ATP8A2: variants seen among roughly 807,000 people sequenced by gnomAD.
ATP8A2 encodes the protein ATPase phospholipid transporting 8A2, also known as phospholipid-transporting ATPase IB.
ATP8A2 carries 100 observed loss-of-function variants against 165.6 expected under a neutral mutation model. That is an observed-to-expected ratio of 0.60 (90% CI 0.51 to 0.71). ATP8A2 has a LOEUF of 0.71. Ranked by LOEUF, ATP8A2 falls within the 30% of genes least tolerant of loss-of-function variation. The pLI, the probability that ATP8A2 is intolerant of heterozygous loss-of-function variation, is 0.00. For synonymous variants in ATP8A2, 543 were observed against 548.8 expected (o/e 0.99, Z 0.15); for missense variants, 1,227 against 1,479.5 (o/e 0.83, Z 2.80).
intron 25 of ATP8A2, among the ~76,000 whole-genome samples, chr13:25,741,161 A>C (rs1329360280): frequency 6.6e-6 from 1 of 152,228 alleles, no homozygotes; most frequent in Non-Finnish European, 1.5e-5. Context: ...TAATTTAAAA[A>C]TCATCACCAA....
Position 25,827,880 on chromosome 13 carries a change from G to C in ATP8A2, c.2680-238G>C, listed in dbSNP as rs536286145. On this transcript the variant is annotated intron_variant, in intron 27 of 36. Coordinates refer to ENST00000381655, the MANE Select transcript of ATP8A2 (RefSeq NM_016529.6). ...ATTAAATCTATTTTTCTATGAACAT[G>C]TGCATATTATCTCTGAAAGTAGATG... Among the ~76,000 whole-genome samples, 14 of 152,294 alleles carry C rather than the reference G, an allele frequency of 9.2e-5. 1 individual carries two copies. In the South Asian group the frequency reaches 2.9e-3, roughly 32 times the overall value.
chr13:25,806,786 T>C (rs1950749683), intron 27 of ATP8A2, among the ~76,000 whole-genome samples: 1 of 152,216 alleles, frequency 6.6e-6, no homozygotes, highest in African/African-American at 2.4e-5. Context: ...TCATTTTACA[T>C]TCTTACCAGC....
intron 25 of ATP8A2, among the ~76,000 whole-genome samples, chr13:25,759,137 C>T (rs1176373265): frequency 6.6e-6 from 1 of 152,154 alleles, no homozygotes; most frequent in Non-Finnish European, 1.5e-5. Context: ...GCTCTGGGGT[C>T]TCTTAATTGC....
chr13:25,711,562 A>AT (rs11427735), intron 25 of ATP8A2, among the ~76,000 whole-genome samples: 22,589 of 151,420 alleles, frequency 0.15, 1,827 homozygotes, highest in South Asian at 0.19. Flanking sequence ...AAAAAAAAAA[A>AT]TTTTTTTTAA....
In ATP8A2 at chr13:25,859,315, A is replaced by G. The variant is rs114268673; in HGVS notation, c.2957-880A>G. Among the ~76,000 whole-genome samples the G allele has an allele frequency of 6.6e-3, 1,005 of 152,212 alleles. 13 individuals are homozygous for G. The highest frequency in any genetic ancestry group is 0.023 in the African/African-American group (947 of 41,472). On this transcript the variant is annotated intron_variant, in intron 30 of 36. Coordinates refer to ENST00000381655, the MANE Select transcript of ATP8A2 (RefSeq NM_016529.6). ...TGTACTCCAGACCTCAGCATCACAC[A>G]GTATACCTTTGTAACAAACCTGCGC...
rs542724479 is a variant in ATP8A2 at position 25,503,379 on chromosome 13, G to A, written c.222-26620G>A. On this transcript the variant is annotated intron_variant, in intron 2 of 36. Coordinates refer to ENST00000381655, the MANE Select transcript of ATP8A2 (RefSeq NM_016529.6). ...GTTTGTGAGGTTGGAAAGGGTGGTC[G>A]GCATGCTGACAAGTAATGACACCAT... Among the ~76,000 whole-genome samples, 29 of 152,242 alleles carry A rather than the reference G, an allele frequency of 1.9e-4. No individual in the cohort carries two copies. In the South Asian group the frequency reaches 3.5e-3, roughly 19 times the overall value.
intron 30 of ATP8A2, among the ~76,000 whole-genome samples, chr13:25,855,864 C>T (rs1952150230): frequency 6.6e-6 from 1 of 152,144 alleles, no homozygotes; most frequent in Admixed American, 6.5e-5. Flanking sequence ...AGTGGTATCT[C>T]ATTGTGGTTT....
rs150312894 is a variant in ATP8A2, at chr13:25,808,689, C to A, written c.2680-19429C>A. ...TCCTGGGCTCAACCTCCCACCTCAG[C>A]CTCCCAAAGTGCTGGTATTACAGGC... is the stretch of plus-strand genomic sequence containing the variant. On this transcript the variant is annotated intron_variant, in intron 27 of 36. Transcript: ENST00000381655. Among the ~76,000 whole-genome samples the A allele has an allele frequency of 7.1e-3, 1,077 of 152,118 alleles. 29 individuals carry two copies. The East Asian group carries it at 0.1, about 14-fold the overall frequency.
intron 26 of ATP8A2, 39 bp downstream of exon 26, chr13:25,769,268 G>C: frequency 6.3e-7 from 1 of 1,575,404 alleles, no homozygotes; most frequent in Non-Finnish European, 8.6e-7. Context: ...GTCCTGTTGA[G>C]AGATGATAGC....
At chr13:25,682,927 G>A (rs1191363468) in intron 24 of ATP8A2, among the ~76,000 whole-genome samples, 1 of 152,136 alleles carries the variant, frequency 6.6e-6, no homozygotes, top group East Asian at 1.9e-4. Context: ...TAATAGGCTT[G>A]CTTTGGGTTT....
At chr13:25,477,898 T>A (rs545261787) in intron 2 of ATP8A2, among the ~76,000 whole-genome samples, 1 of 152,036 alleles carries the variant, frequency 6.6e-6, no homozygotes, top group Non-Finnish European at 1.5e-5. Context: ...GATCGCACCA[T>A]TGCACTCCAG....
At chr13:25,616,270 C>A (rs1185178470) in intron 24 of ATP8A2, among the ~76,000 whole-genome samples, 3 of 150,940 alleles carry the variant, frequency 2.0e-5, no homozygotes, top group African/African-American at 7.3e-5. Context: ...AAATACGAAT[C>A]TTTTCCTTAT....
At chr13:25,915,072 G>C (rs1397150275) in intron 33 of ATP8A2, among the ~76,000 whole-genome samples, 1 of 152,178 alleles carries the variant, frequency 6.6e-6, no homozygotes. Flanking sequence ...AAGCATTTCT[G>C]TTCTAAAGTG....
At chr13:25,490,726 G>GTT (rs61044184) in intron 2 of ATP8A2, among the ~76,000 whole-genome samples, 1 of 149,898 alleles carries the variant, frequency 6.7e-6, no homozygotes, top group African/African-American at 2.5e-5. Flanking sequence ...TAGTTTTTTT[G>GTT]TTTTTTTTTT....
At chr13:25,488,127 G>A (rs1024679417) in intron 2 of ATP8A2, among the ~76,000 whole-genome samples, 12 of 152,170 alleles carry the variant, frequency 7.9e-5, no homozygotes, top group Admixed American at 5.9e-4. Flanking sequence ...GACAGGTTGG[G>A]TAGGCTTGTT....
chr13:25,422,923 G>T (rs1388723585), intron 1 of ATP8A2, among the ~76,000 whole-genome samples: 5 of 152,186 alleles, frequency 3.3e-5, no homozygotes, highest in Non-Finnish European at 5.9e-5. Flanking sequence ...CATGGTTGTG[G>T]TTTTTGCAGT....
At chr13:25,919,788 C>T (rs541690870) in intron 33 of ATP8A2, among the ~76,000 whole-genome samples, 2 of 152,232 alleles carry the variant, frequency 1.3e-5, no homozygotes, top group Admixed American at 6.5e-5. Flanking sequence ...TTTCTTGAGA[C>T]AGAGTCTTGC....
chr13:25,905,502 C>T (rs987048392), intron 33 of ATP8A2, among the ~76,000 whole-genome samples: 1 of 152,040 alleles, frequency 6.6e-6, no homozygotes, highest in Non-Finnish European at 1.5e-5. Context: ...GAGCAGTAGC[C>T]GTCCTGCCTG....
rs183299538 is a variant in ATP8A2, at chr13:25,599,707, A to G, written c.2211+10008A>G. On this transcript the variant is annotated intron_variant, in intron 24 of 36. Coordinates refer to ENST00000381655, the MANE Select transcript of ATP8A2 (RefSeq NM_016529.6). ...TGGATCAGGAGAAAAGAAGACCAGAATAGTGCATCTGTTTCACCTCTGGGT... is the reference window on the plus strand; with the variant it reads ...TGGATCAGGAGAAAAGAAGACCAGAGTAGTGCATCTGTTTCACCTCTGGGT... Among the ~76,000 whole-genome samples, 440 of 152,334 alleles carry G rather than the reference A, an allele frequency of 2.9e-3. 1 individual carries two copies. In the Middle Eastern group the frequency reaches 0.034, roughly 12 times the overall value.
Sources: allele counts gnomAD v4.1 joint callset (sites outside exome capture counted in the v4.1 genomes callset), GRCh38; gene constraint gnomAD v4.1.1; transcripts MANE v1.5; gene names NCBI Gene and HGNC (gene_info 2026-07-23, HGNC 2026-07-21).